ZNF487: variants seen among roughly 807,000 people sequenced by gnomAD.
ZNF487 encodes the protein KRAB domain only 1.
A neutral mutation model predicts 3.0 loss-of-function variants in ZNF487; 4 were observed. That is an observed-to-expected ratio of 1.35 (90% CI 0.66 to 3.08). ZNF487 has a LOEUF of 3.08. Ranked by LOEUF, ZNF487 falls within the 30% of genes most tolerant of loss-of-function variation. The pLI, the probability that ZNF487 is intolerant of heterozygous loss-of-function variation, is 0.01. For missense variants in ZNF487, 146 were observed against 98.7 expected (o/e 1.48, Z -2.03); for synonymous variants, 55 against 34.6 (o/e 1.59, Z -2.06).
the ZNF487 span, among the ~76,000 whole-genome samples, chr10:43,521,383 T>C: frequency 6.6e-6 from 1 of 152,166 alleles, no homozygotes; most frequent in Non-Finnish European, 1.5e-5. Flanking sequence ...ACAGCCTTCT[T>C]GCACTTAGGA....
the ZNF487 span, among the ~76,000 whole-genome samples, chr10:43,520,639 G>A: frequency 6.6e-6 from 1 of 152,186 alleles, no homozygotes; most frequent in East Asian, 1.9e-4. Context: ...ATAGAGCAGT[G>A]ACATACAAAG....
rs758257247 is a variant in ZNF487 at position 43,482,835 on chromosome 10, T to C, written c.*913T>C. ...TCACACAGGGGAGAAACCCTATGAA[T>C]GTAATGAATGTGAGAAAATGTTCTA... On this transcript the variant is annotated 3_prime_UTR_variant, in exon 4 of 4. Transcript: ENST00000437590. 7.6e-6 allele frequency: 4 copies of C among 525,498 alleles called. No homozygotes were observed. In the Admixed American group the frequency reaches 8.0e-5, roughly 11 times the overall value. 32.6% of individuals were successfully genotyped at this position (525,498 alleles called of 1,614,324 possible). A position where few individuals can be genotyped will look rare whatever the true frequency, so the allele number is the denominator to read the frequency against.
Position 43,473,902 on chromosome 10 carries a change from G to C in ZNF487, c.-93-1819G>C, listed in dbSNP as rs147750822. On this transcript the variant is annotated intron_variant, in intron 1 of 3. Transcript: ENST00000437590. ...CTGCCCGATGCAGTGACTTATTCCT[G>C]TAATTGCAGTATTTTGGGAGGCTGA... Among the ~76,000 whole-genome samples the C allele has an allele frequency of 5.5e-4, 83 of 152,142 alleles. No homozygotes were observed. In the East Asian group the frequency reaches 0.013, roughly 23 times the overall value.
chr10:43,467,418 T>G (rs1840747259), intron 1 of ZNF487, among the ~76,000 whole-genome samples: 1 of 150,824 alleles, frequency 6.6e-6, no homozygotes, highest in African/African-American at 2.4e-5. Flanking sequence ...TTGGCCAGGC[T>G]GGTCTCAAAC....
At chr10:43,455,992 G>C (rs1016132476) in intron 1 of ZNF487, among the ~76,000 whole-genome samples, 2 of 152,230 alleles carry the variant, frequency 1.3e-5, no homozygotes, top group Admixed American at 1.3e-4. Flanking sequence ...GTCCAGCGTT[G>C]CATGGTTACA....
rs564334709 is a variant in ZNF487, at chr10:43,449,669, T to C, written c.-94+12407T>C. Among the ~76,000 whole-genome samples, 19 of 152,052 alleles carry C rather than the reference T, an allele frequency of 1.2e-4. No homozygotes were observed. The South Asian group carries it at 3.7e-3, about 30-fold the overall frequency. On this transcript the variant is annotated intron_variant, in intron 1 of 3. Transcript: ENST00000437590. Reference sequence around the variant, plus strand: ...GTAATGTTCCTCAGCAGTTAACATGTATTGAAGCATTTTTTTTTTTTTTTT... The same window carrying C: ...GTAATGTTCCTCAGCAGTTAACATGCATTGAAGCATTTTTTTTTTTTTTTT...
intron 3 of ZNF487, among the ~76,000 whole-genome samples, chr10:43,479,094 TATACACAC>T (rs1283348036): frequency 8.3e-6 from 1 of 120,398 alleles, no homozygotes. Context: ...TGTATATATA[TATACACAC>T]ATATATACAC....
At chr10:43,486,404 T>TA (rs1376315222), downstream of ZNF487, among the ~76,000 whole-genome samples, 1 of 151,978 alleles carries the variant, frequency 6.6e-6, no homozygotes, top group African/African-American at 2.4e-5. Flanking sequence ...TGCATGCTTG[T>TA]AATCCCAGCT....
downstream of ZNF487, among the ~76,000 whole-genome samples, chr10:43,484,296 C>T (rs539934884): frequency 5.9e-5 from 9 of 152,192 alleles, 1 homozygote; most frequent in South Asian, 1.9e-3. Context: ...ACAGGTCACT[C>T]CTTTGTTACT....
intron 1 of ZNF487, among the ~76,000 whole-genome samples, chr10:43,443,378 GTT>G (rs35842181): frequency 3.4e-5 from 4 of 116,298 alleles, no homozygotes; most frequent in Non-Finnish European, 3.7e-5. Flanking sequence ...TTTTGTTTTT[GTT>G]TTTTTTTTTT....
At chr10:43,461,486 C>CT (rs1206922131) in intron 1 of ZNF487, among the ~76,000 whole-genome samples, 1 of 151,672 alleles carries the variant, frequency 6.6e-6, no homozygotes, top group Non-Finnish European at 1.5e-5. Flanking sequence ...TGCCTGGTTA[C>CT]TTTTTTGTAT....
Position 43,476,195 on chromosome 10 carries a change from C to T in ZNF487, c.123C>T (p.Ser41=). 1 of 717,242 alleles carries T rather than the reference C, an allele frequency of 1.4e-6. No individual in the cohort carries two copies. Among genetic ancestry groups the T allele is most frequent in the Non-Finnish European group, 2.6e-6 (1 of 385,058 alleles). The allele number at this position is 717,242 out of a possible 1,614,324, so 44.4% of individuals were successfully genotyped here. The change falls in exon 3 of 4, where the codon AGC becomes AGT. Residue 41 remains serine, a synonymous_variant. Transcript: ENST00000437590. ...WILEEESPSQ[S]HLDCCIDDDL... ...TAGAGGAAGAGTCCCCAAGTCAGAG[C>T]CACCTAGGTGAGTTAATAAATATAT...
chr10:43,489,005 C>A, the ZNF487 span, among the ~76,000 whole-genome samples: 1 of 151,726 alleles, frequency 6.6e-6, no homozygotes, highest in Admixed American at 6.6e-5. Flanking sequence ...TGCGTGTAGT[C>A]CTGGCTACTC....
downstream of ZNF487, among the ~76,000 whole-genome samples, chr10:43,485,985 C>T (rs757578661): frequency 6.6e-6 from 1 of 152,154 alleles, no homozygotes; most frequent in Non-Finnish European, 1.5e-5. Flanking sequence ...ACATTTCAGA[C>T]CTTTCTTTTC....
At chr10:43,464,971 C>T (rs545256999) in intron 1 of ZNF487, among the ~76,000 whole-genome samples, 1 of 151,604 alleles carries the variant, frequency 6.6e-6, no homozygotes, top group South Asian at 2.1e-4. Context: ...CCTCACCTCC[C>T]GGATGGGGCG....
At chr10:43,441,717 C>T (rs752612987) in intron 1 of ZNF487, among the ~76,000 whole-genome samples, 49 of 151,902 alleles carry the variant, frequency 3.2e-4, no homozygotes, top group Admixed American at 1.5e-3. Flanking sequence ...CTCCTGAGTA[C>T]CTTGGATTAT....
chr10:43,466,157 C>T (rs1334270558), intron 1 of ZNF487, among the ~76,000 whole-genome samples: 1 of 28,038 alleles, frequency 3.6e-5, no homozygotes, highest in Middle Eastern at 0.022. Context: ...AGCTTCGGCT[C>T]GGCATCAGAG....
chr10:43,496,117 G>A, the ZNF487 span: 2 of 531,838 alleles, frequency 3.8e-6, no homozygotes, highest in East Asian at 1.1e-4. Context: ...TAATGCTGGA[G>A]AACTACAGCC....
At chr10:43,507,268 G>C in the ZNF487 span, among the ~76,000 whole-genome samples, 9 of 152,192 alleles carry the variant, frequency 5.9e-5, no homozygotes, top group Non-Finnish European at 1.0e-4. Flanking sequence ...ACCTGGGGGA[G>C]CTATACAGAT....
Sources: allele counts gnomAD v4.1 joint callset (sites outside exome capture counted in the v4.1 genomes callset), GRCh38; gene constraint gnomAD v4.1.1; transcripts MANE v1.5; gene names NCBI Gene and HGNC (gene_info 2026-07-23, HGNC 2026-07-21).